Variants in DOCK1 observed in about 807,000 individuals in gnomAD.
DOCK1 encodes dedicator of cytokinesis protein 1.
In DOCK1, 138 loss-of-function variants were observed where a neutral mutation model predicts 262.7. The ratio of observed to expected loss-of-function variants is 0.53; its 90% CI spans 0.46 to 0.61. The LOEUF is 0.61. Among genes scored for constraint, DOCK1 ranks in the 20% least tolerant of loss-of-function variants. The probability of loss-of-function intolerance (pLI) is 0.00; values close to 1 mark genes in which losing one functional copy is unlikely to be tolerated. For synonymous variants in DOCK1, 866 were observed against 867.4 expected, an observed-to-expected ratio of 1.00 and a Z score of 0.03; for missense variants, 1,908 against 2,370.7, an observed-to-expected ratio of 0.80 and a Z score of 4.05.
At chr10:127,197,215 G>A (rs1310899470) in intron 27 of DOCK1, among the ~76,000 whole-genome samples, 1 of 152,120 alleles carries the variant, frequency 6.6e-6, no homozygotes, top group African/African-American at 2.4e-5. Flanking sequence ...CAGAGCAGGC[G>A]CCACTGCCAC....
intron 27 of DOCK1, among the ~76,000 whole-genome samples, chr10:127,235,514 T>C (rs141607794): frequency 6.6e-6 from 1 of 152,304 alleles, no homozygotes; most frequent in East Asian, 1.9e-4. Context: ...TGCCATAATT[T>C]ATTTGTTTAT....
intron 25 of DOCK1, among the ~76,000 whole-genome samples, chr10:127,115,678 T>TA (rs1165969686): frequency 6.6e-6 from 1 of 152,270 alleles, no homozygotes; most frequent in African/African-American, 2.4e-5. Flanking sequence ...ACATTAATGT[T>TA]ATAGAAATTG....
intron 29 of DOCK1, among the ~76,000 whole-genome samples, chr10:127,269,375 C>T (rs896757317): frequency 6.6e-6 from 1 of 152,152 alleles, no homozygotes; most frequent in African/African-American, 2.4e-5. Context: ...AGATTCAGAG[C>T]ACTTTGTACA....
chr10:127,005,461 T>G (rs1231587537), intron 10 of DOCK1, among the ~76,000 whole-genome samples: 1 of 152,224 alleles, frequency 6.6e-6, no homozygotes, highest in Non-Finnish European at 1.5e-5. Flanking sequence ...GAGGCTTTCT[T>G]TAGAATGACT....
intron 27 of DOCK1, among the ~76,000 whole-genome samples, chr10:127,245,183 C>T (rs1173164607): frequency 6.6e-6 from 1 of 152,116 alleles, no homozygotes; most frequent in Non-Finnish European, 1.5e-5. Context: ...GACTCCATTC[C>T]CAAAGGGCAG....
chr10:127,271,796 G>A (rs185179925), intron 29 of DOCK1, among the ~76,000 whole-genome samples: 26 of 152,282 alleles, frequency 1.7e-4, no homozygotes, highest in African/African-American at 6.3e-4. Context: ...TAAAATACAT[G>A]AAATACTTTT....
intron 27 of DOCK1, among the ~76,000 whole-genome samples, chr10:127,200,731 C>T (rs185159188): frequency 1.3e-5 from 2 of 152,272 alleles, no homozygotes; most frequent in Admixed American, 6.5e-5. Context: ...AAATTAGGAA[C>T]GCCTTTGTTC....
chr10:127,218,113 A>C (rs946402210), intron 27 of DOCK1, among the ~76,000 whole-genome samples: 11 of 152,248 alleles, frequency 7.2e-5, no homozygotes, highest in African/African-American at 2.4e-4. Context: ...AAATCTAAAA[A>C]TTGTGGAAAG....
chr10:127,003,210 G>A (rs934112512), intron 10 of DOCK1, among the ~76,000 whole-genome samples: 7 of 122,364 alleles, frequency 5.7e-5, no homozygotes, highest in Non-Finnish European at 9.9e-5. Context: ...ATGAACCTGC[G>A]TGAACCTGTG....
chr10:127,397,338 G>A (rs2066940504), intron 38 of DOCK1, among the ~76,000 whole-genome samples: 2 of 151,304 alleles, frequency 1.3e-5, no homozygotes, highest in Non-Finnish European at 1.5e-5. Flanking sequence ...AGTTACACGG[G>A]CGGTGTCTCC....
intron 11 of DOCK1, among the ~76,000 whole-genome samples, chr10:127,010,362 G>A (rs950862265): frequency 4.6e-5 from 7 of 152,188 alleles, no homozygotes; most frequent in Admixed American, 1.3e-4. Context: ...AGCTACTTGG[G>A]AGGCTGAGGC....
intron 1 of DOCK1, among the ~76,000 whole-genome samples, chr10:126,907,704 T>C (rs183183229): frequency 8.2e-4 from 124 of 152,104 alleles, no homozygotes; most frequent in African/African-American, 2.9e-3. Flanking sequence ...AGAATGTTCG[T>C]AGATGGGAGA....
chr10:127,262,072 ATGTGGGTGTG>A (rs1347337816), intron 29 of DOCK1, among the ~76,000 whole-genome samples: 1 of 42,310 alleles, frequency 2.4e-5, no homozygotes, highest in African/African-American at 9.3e-5. Flanking sequence ...GTGTGTGTGC[ATGTGGGTGTG>A]TGTGTGTACC....
In DOCK1 at chr10:127,229,526, C is replaced by A. The variant is rs191977181; in HGVS notation, c.2848-18482C>A. Among the ~76,000 whole-genome samples, 958 of 152,242 alleles carry A rather than the reference C, an allele frequency of 6.3e-3. 12 individuals carry two copies. The highest frequency in any genetic ancestry group is 0.021 in the African/African-American group (893 of 41,558). On this transcript the variant is annotated intron_variant, in intron 27 of 51. Transcript: ENST00000623213. ...CTTACTTATTTCCCTTAAAATAATGCCCTCCAGGTCCATCTATGTTGTTCC... is the reference window on the plus strand; with the variant it reads ...CTTACTTATTTCCCTTAAAATAATGACCTCCAGGTCCATCTATGTTGTTCC...
intron 37 of DOCK1, 104 bp downstream of exon 37, chr10:127,381,472 AG>A: frequency 1.0e-6 from 1 of 994,468 alleles, no homozygotes; most frequent in East Asian, 2.6e-5. Flanking sequence ...CTATAACTTA[AG>A]GTTTTATGAA....
chr10:127,127,519 G>T, intron 26 of DOCK1, 150 bp from the exon 27 acceptor site: 1 of 461,316 alleles, frequency 2.2e-6, no homozygotes, highest in Non-Finnish European at 3.8e-6. Flanking sequence ...TTTTGTGAGA[G>T]CTTTTGCCTT....
rs2048193105 is a variant in DOCK1, at chr10:127,100,767, GC to G, written c.2446-5462del. Among the ~76,000 whole-genome samples, 1 of 152,088 alleles carries G rather than the reference GC, an allele frequency of 6.6e-6. No individual in the cohort carries two copies. The highest frequency in any genetic ancestry group is 1.5e-5 in the Non-Finnish European group (1 of 68,010). On this transcript the variant is annotated intron_variant, in intron 23 of 51. Coordinates refer to ENST00000623213, the MANE Select transcript of DOCK1 (RefSeq NM_001290223.2). This position sits in a 1 kb window ranked among gnomAD's most constrained non-coding sequence, Gnocchi z 5.5. ...AGGTGGCCAAAGTGTCATCAGAAAG[GC>G]CACTTGAGAACAGCCTGAAGTCATC...
chr10:127,320,979 G>C (rs2062493121), intron 29 of DOCK1, among the ~76,000 whole-genome samples: 1 of 152,112 alleles, frequency 6.6e-6, no homozygotes, highest in Non-Finnish European at 1.5e-5. Flanking sequence ...TAGGTCCCCA[G>C]CCTTCACTCA....
At chr10:126,976,726 G>A (rs1455083596) in intron 2 of DOCK1, among the ~76,000 whole-genome samples, 1 of 151,530 alleles carries the variant, frequency 6.6e-6, no homozygotes, top group Admixed American at 6.6e-5. Flanking sequence ...GCAGAGTTGG[G>A]ATTTGTCTTT....
Sources: allele counts gnomAD v4.1 joint callset (sites outside exome capture counted in the v4.1 genomes callset), GRCh38; gene constraint gnomAD v4.1.1; non-coding constraint Gnocchi (gnomAD v3.1); transcripts MANE v1.5; gene names NCBI Gene and HGNC (gene_info 2026-07-23, HGNC 2026-07-21).